The following CPS1 variants were observed in gnomAD, a reference collection of about 807,000 sequenced individuals.
The protein encoded by CPS1 is carbamoyl-phosphate synthase 1, also known as carbamoyl-phosphate synthase [ammonia], mitochondrial.
A neutral mutation model predicts 174.6 loss-of-function variants in CPS1; 109 were observed. The ratio of observed to expected loss-of-function variants is 0.62; its 90% CI spans 0.53 to 0.73. The LOEUF (loss-of-function observed/expected upper bound fraction) is 0.73, where lower values mean the gene tolerates loss of function less well. Among genes scored for constraint, CPS1 ranks in the 30% least tolerant of loss-of-function variants. The pLI is 0.00. For synonymous variants in CPS1, 637 were observed against 632.0 expected (o/e 1.01, Z -0.12); for missense variants, 1,689 against 1,821.9 (o/e 0.93, Z 1.33).
Position 210,496,447 on chromosome 2 carries a change from ATTAAC to A in CPS1, c.3+18686_3+18690del, listed in dbSNP as rs1471081606. 2.0e-5 allele frequency among the ~76,000 whole-genome samples: 3 copies of A among 152,288 alleles called. No homozygotes were observed. In the East Asian group the frequency reaches 5.8e-4, roughly 29 times the overall value. On this transcript the variant is annotated intron_variant, in intron 1 of 38. Coordinates refer to the CPS1 transcript ENST00000430249. The stretch of plus-strand genomic sequence containing the variant: ...GACACAAATAAGAGCTAACATAGGA[ATTAAC>A]TTAAGCAAATTGAGTCTTCTTGAGG...
chr2:210,641,377 C>G (rs1423873471), intron 24 of CPS1, among the ~76,000 whole-genome samples: 1 of 152,130 alleles, frequency 6.6e-6, no homozygotes, highest in Non-Finnish European at 1.5e-5. Context: ...CCTCCTGCCT[C>G]AGCCTCCCAA....
rs577112537 is a variant in CPS1, at chr2:210,484,631, A to T, written c.3+6865A>T. On this transcript the variant is annotated intron_variant, in intron 1 of 38. Transcript: ENST00000430249. ...TAACTTACCAGATCACCACATCTGGACGATGAGATGCCAGAACCACCTATC... is the reference window on the plus strand; with the variant it reads ...TAACTTACCAGATCACCACATCTGGTCGATGAGATGCCAGAACCACCTATC... Among the ~76,000 whole-genome samples the T allele has an allele frequency of 2.6e-5, 4 of 152,304 alleles. No homozygotes were observed. The South Asian group carries it at 8.3e-4, about 32-fold the overall frequency.
chr2:210,554,072 T>C (rs893444383), upstream of CPS1, among the ~76,000 whole-genome samples: 1 of 148,298 alleles, frequency 6.7e-6, no homozygotes, highest in Non-Finnish European at 1.5e-5. Flanking sequence ...TATATATACA[T>C]ATATACATAC....
At chr2:210,655,872 C>T (rs78451704) in intron 29 of CPS1, among the ~76,000 whole-genome samples, 8 of 152,318 alleles carry the variant, frequency 5.3e-5, no homozygotes, top group African/African-American at 1.7e-4. Context: ...CAAGGACACA[C>T]ATATTATTAA....
At chr2:210,572,065 G>T (rs1697517658) in intron 1 of CPS1, among the ~76,000 whole-genome samples, 1 of 151,738 alleles carries the variant, frequency 6.6e-6, no homozygotes, top group African/African-American at 2.4e-5. Flanking sequence ...ATAGCACAAT[G>T]AACTCCTTTA....
chr2:210,594,321 T>C (rs1302361859), intron 11 of CPS1, among the ~76,000 whole-genome samples, 187 bp from the exon 12 acceptor site: 3 of 151,934 alleles, frequency 2.0e-5, no homozygotes, highest in Non-Finnish European at 4.4e-5. Flanking sequence ...ACAGAAGTGT[T>C]TATTTGATTA....
chr2:210,609,043 A>G (rs1356031286), intron 19 of CPS1, among the ~76,000 whole-genome samples: 1 of 151,934 alleles, frequency 6.6e-6, no homozygotes, highest in African/African-American at 2.4e-5. Flanking sequence ...AGGCTGGACT[A>G]GTTCATCTCT....
chr2:210,565,510 A>G (rs1697273732), intron 1 of CPS1, among the ~76,000 whole-genome samples: 1 of 152,180 alleles, frequency 6.6e-6, no homozygotes, highest in South Asian at 2.1e-4. Context: ...TATGAATATA[A>G]TTACATAGGT....
intron 37 of CPS1, 134 bp downstream of exon 37, chr2:210,677,270 T>A: frequency 1.1e-6 from 1 of 912,880 alleles, no homozygotes; most frequent in Admixed American, 2.0e-5. Context: ...TTTTTAATAA[T>A]CTAAAATAAT....
chr2:210,581,068 T>G (rs1313470253), intron 5 of CPS1, among the ~76,000 whole-genome samples: 1 of 152,094 alleles, frequency 6.6e-6, no homozygotes, highest in Non-Finnish European at 1.5e-5. Context: ...CCACCTCTGA[T>G]TTTATTCACT....
intron 1 of CPS1, among the ~76,000 whole-genome samples, chr2:210,521,292 TC>T (rs1695819149): frequency 6.6e-6 from 1 of 151,944 alleles, no homozygotes; most frequent in South Asian, 2.1e-4. Context: ...AATCATCCTT[TC>T]ATCCTCATCT....
Position 210,497,672 on chromosome 2 carries a change from G to T in CPS1, c.3+19906G>T, listed in dbSNP as rs114455776. On this transcript the variant is annotated intron_variant, in intron 1 of 38. Transcript: ENST00000430249. ...TGGTGTTTTGTTCCTGCATTAATTC[G>T]CTTAGGATAATAGCCCCAGCTGCAT... 4.1e-3 allele frequency among the ~76,000 whole-genome samples: 620 copies of T among 151,808 alleles called. 7 individuals carry two copies. Among genetic ancestry groups the T allele is most frequent in the Non-Finnish European group, 7.1e-3 (482 of 67,956 alleles).
chr2:210,629,630 A>G (rs1482023216), intron 21 of CPS1, among the ~76,000 whole-genome samples: 2 of 151,826 alleles, frequency 1.3e-5, no homozygotes, highest in Admixed American at 6.6e-5. Context: ...ACTTTCTTAT[A>G]TACGAATTGA....
At chr2:210,640,687 A>G (rs1394733204) in intron 24 of CPS1, among the ~76,000 whole-genome samples, 2 of 152,222 alleles carry the variant, frequency 1.3e-5, no homozygotes, top group Non-Finnish European at 2.9e-5. Flanking sequence ...TAATCTCCAC[A>G]AAGCATTATA....
intron 36 of CPS1, among the ~76,000 whole-genome samples, chr2:210,676,501 A>G (rs1701541531): frequency 6.6e-6 from 1 of 152,198 alleles, no homozygotes; most frequent in African/African-American, 2.4e-5. Flanking sequence ...GTTATTTGTT[A>G]GCGTTCTTGA....
intron 15 of CPS1, 125 bp downstream of exon 15, chr2:210,600,837 G>A (rs1032468709): frequency 1.8e-5 from 20 of 1,090,350 alleles, no homozygotes; most frequent in Non-Finnish European, 2.7e-6. Context: ...TTCTAGAATT[G>A]TGTTAATAGT....
chr2:210,669,378 A>ACAAATGGT (rs1442992934), intron 34 of CPS1, among the ~76,000 whole-genome samples: 1 of 152,166 alleles, frequency 6.6e-6, no homozygotes. Flanking sequence ...ATGAAAAACA[A>ACAAATGGT]CAAATGGTCT....
chr2:210,640,762 A>G (rs1418300863), intron 24 of CPS1, among the ~76,000 whole-genome samples: 25 of 152,206 alleles, frequency 1.6e-4, no homozygotes. Context: ...CTTTAAGCAT[A>G]GTTTATTTAG....
rs1700079203 is a variant in CPS1 at position 210,637,707 on chromosome 2, C to A, written c.2693C>A (p.Ser898Tyr). The A allele has an allele frequency of 6.2e-7, 1 of 1,613,880 alleles. No individual in the cohort carries two copies. Among genetic ancestry groups the A allele is most frequent in the Non-Finnish European group, 8.5e-7 (1 of 1,179,870 alleles). ...EKTLKGLNSE[S>Y]MTEETLKRAK... ...TCTTTTCTATTAAATCCTAGTGAGT[C>A]CATGACAGAAGAAACCCTGAAAAGG... The change falls in exon 22 of 38, where the codon TCC becomes TAC. Residue 898 changes from serine (S) to tyrosine (Y), a missense_variant. Ser to Tyr is a moderately radical substitution (Grantham distance 144). Transcript: ENST00000233072.
Sources: allele counts gnomAD v4.1 joint callset (sites outside exome capture counted in the v4.1 genomes callset), GRCh38; gene constraint gnomAD v4.1.1; transcripts MANE v1.5; gene names NCBI Gene and HGNC (gene_info 2026-07-23, HGNC 2026-07-21).